The following NPC1 variants were observed in gnomAD, a reference collection of about 807,000 sequenced individuals.
NPC1 encodes the protein NPC intracellular cholesterol transporter 1.
NPC1 carries 85 observed loss-of-function variants against 140.4 expected under a neutral mutation model. The ratio of observed to expected loss-of-function variants is 0.61; its 90% confidence interval spans 0.51 to 0.72. The LOEUF (loss-of-function observed/expected upper bound fraction) is 0.72, where lower values mean the gene tolerates loss of function less well. Ranked by LOEUF, NPC1 falls within the 30% of genes least tolerant of loss-of-function variation. The pLI is 0.00. For synonymous variants in NPC1, 656 were observed against 624.8 expected, an observed-to-expected ratio of 1.05 and a Z score of -0.74; for missense variants, 1,504 against 1,623.8, an observed-to-expected ratio of 0.93 and a Z score of 1.27.
Position 23,544,344 on chromosome 18 carries a change from CTGG to C in NPC1, c.2127_2129del (p.Tyr709_Gln710delinsTer). 1 of 1,613,966 alleles carries C rather than the reference CTGG, an allele frequency of 6.2e-7. No individual in the cohort carries two copies. The highest frequency in any genetic ancestry group is 8.5e-7 in the Non-Finnish European group (1 of 1,179,940). ...GCCCTGTGAGAATATGGAAGTATAC[CTGG>C]TAGGCCTGCACCAGAATGAAGATGT... On this transcript the variant is annotated stop_gained and inframe_deletion and splice_region_variant, in exon 13 of 25. Coordinates refer to ENST00000269228, the MANE Select transcript of NPC1 (RefSeq NM_000271.5). LOFTEE classifies it high-confidence loss of function.
At chr18:23,534,824 C>T (rs992915635) in intron 22 of NPC1, among the ~76,000 whole-genome samples, 3 of 152,212 alleles carry the variant, frequency 2.0e-5, no homozygotes, top group Non-Finnish European at 4.4e-5. Context: ...CCGTTAAGGT[C>T]ACCCCACCCG....
downstream of NPC1, chr18:23,520,436 CTGA>C (rs937704587): frequency 3.7e-6 from 3 of 818,728 alleles, no homozygotes; most frequent in African/African-American, 5.2e-5. Context: ...CCAGATCTGT[CTGA>C]TTTTGCCAGG....
intron 3 of NPC1, among the ~76,000 whole-genome samples, chr18:23,514,869 G>A (rs1303284459): frequency 6.6e-6 from 1 of 152,184 alleles, no homozygotes; most frequent in African/African-American, 2.4e-5. Flanking sequence ...TTGCGCAGCA[G>A]TTCTTCAGTG....
At chr18:23,508,007 A>T (rs1417241963) in intron 3 of NPC1, 1 of 1,611,220 alleles carries the variant, frequency 6.2e-7, no homozygotes, top group East Asian at 2.2e-5. Flanking sequence ...TTTATCCCTG[A>T]TAATTCCCAG....
At chr18:23,513,916 A>C (rs553424854) in intron 3 of NPC1, among the ~76,000 whole-genome samples, 1 of 152,188 alleles carries the variant, frequency 6.6e-6, no homozygotes, top group African/African-American at 2.4e-5. Flanking sequence ...ATATATTCTG[A>C]TATTAACACC....
At chr18:23,576,501 G>A in intron 1 of NPC1, 1 of 990,950 alleles carries the variant, frequency 1.0e-6, no homozygotes, top group Non-Finnish European at 1.2e-6. Context: ...CGGTGTCCTA[G>A]GCTTAGGCAC....
rs1433192558 is a variant in NPC1, at chr18:23,534,153, T to C, written c.3591+293A>G. 7 of 528,170 alleles carry C rather than the reference T, an allele frequency of 1.3e-5. No individual in the cohort carries two copies. The Admixed American group carries it at 1.9e-4, about 14-fold the overall frequency. 32.7% of individuals were successfully genotyped at this position (528,170 alleles called of 1,614,324 possible). ...CAACCGCACATCACACGCTGGGTTC[T>C]GGCCCGGGCTCCCCTGCATTTTAAA... On this transcript the variant is annotated intron_variant, in intron 23 of 24. Transcript: ENST00000269228.
At chr18:23,515,535 T>G (rs921569859) in intron 3 of NPC1, among the ~76,000 whole-genome samples, 17 of 152,216 alleles carry the variant, frequency 1.1e-4, no homozygotes, top group African/African-American at 3.9e-4. Flanking sequence ...GTTATTGATT[T>G]ATTTATTAAT....
At chr18:23,562,011 C>T (rs745784996) in intron 4 of NPC1, among the ~76,000 whole-genome samples, 6 of 152,146 alleles carry the variant, frequency 3.9e-5, no homozygotes, top group Non-Finnish European at 7.3e-5. Flanking sequence ...TACTGTTGGC[C>T]GGGCACGGTG....
chr18:23,565,400 A>G (rs1366205533), intron 4 of NPC1, among the ~76,000 whole-genome samples: 2 of 152,184 alleles, frequency 1.3e-5, no homozygotes, highest in African/African-American at 2.4e-5. Context: ...TCTGTCAGCC[A>G]GGCTGGAGTG....
intron 4 of NPC1, among the ~76,000 whole-genome samples, chr18:23,562,996 A>T (rs2059066260): frequency 6.6e-6 from 1 of 152,146 alleles, no homozygotes; most frequent in African/African-American, 2.4e-5. Context: ...CATTTTCATC[A>T]CCTCAAAAGA....
At chr18:23,549,742 CTTTTT>C (rs1000073339) in intron 10 of NPC1, among the ~76,000 whole-genome samples, 3 of 138,008 alleles carry the variant, frequency 2.2e-5, no homozygotes, top group African/African-American at 8.2e-5. Context: ...TTTTTCACAA[CTTTTT>C]TTTTTTTTTT....
chr18:23,574,364 G>A (rs1293275462), intron 1 of NPC1, among the ~76,000 whole-genome samples: 1 of 152,128 alleles, frequency 6.6e-6, no homozygotes, highest in African/African-American at 2.4e-5. Flanking sequence ...AGGGCCCCGG[G>A]CCTGCAATCG....
downstream of NPC1, among the ~76,000 whole-genome samples, chr18:23,525,992 C>A (rs865839872): frequency 6.6e-6 from 1 of 152,208 alleles, no homozygotes; most frequent in Non-Finnish European, 1.5e-5. Context: ...AGTCATTTCT[C>A]TCCTGTGCAT....
chr18:23,521,889 G>C (rs2058151664), downstream of NPC1, among the ~76,000 whole-genome samples: 1 of 152,160 alleles, frequency 6.6e-6, no homozygotes, highest in African/African-American at 2.4e-5. Context: ...GTCTCTCCCG[G>C]CTCTCTTTTG....
chr18:23,544,594 GTCC>G (rs767074907), intron 12 of NPC1, 68 bp from the exon 13 acceptor site: 196 of 1,439,214 alleles, frequency 1.4e-4, no homozygotes, highest in Non-Finnish European at 1.2e-4. Flanking sequence ...TTACTAAAAG[GTCC>G]TCCTTTTTAC....
chr18:23,523,543 C>CAAAAAAAAAAAAAAAA (rs374224848), intron 1 of NPC1, among the ~76,000 whole-genome samples: 4 of 76,384 alleles, frequency 5.2e-5, no homozygotes, highest in African/African-American at 1.1e-4. Flanking sequence ...CTTGTCTTCA[C>CAAAAAAAAAAAAAAAA]AAAAAAAAAA....
At chr18:23,568,626 A>C (rs559146329) in intron 4 of NPC1, among the ~76,000 whole-genome samples, 197 bp downstream of exon 4, 30 of 152,342 alleles carry the variant, frequency 2.0e-4, no homozygotes, top group African/African-American at 6.7e-4. Flanking sequence ...GGGGGAGTTA[A>C]AGCAAGCGCT....
Position 23,576,168 on chromosome 18 carries a change from G to A in NPC1, c.58-2594C>T, listed in dbSNP as rs150786667. On this transcript the variant is annotated intron_variant, in intron 1 of 24. Coordinates refer to ENST00000269228, the MANE Select transcript of NPC1 (RefSeq NM_000271.5). ...GAACCCGAGAGGCGGAGGTTGTGGT[G>A]AGCCAAGATTGTGCCATTACACTCC... Among the ~76,000 whole-genome samples, 720 of 152,184 alleles carry A rather than the reference G, an allele frequency of 4.7e-3. 5 individuals carry two copies. Among genetic ancestry groups the A allele is most frequent in the African/African-American group, 0.016 (669 of 41,500 alleles).
Sources: allele counts gnomAD v4.1 joint callset (sites outside exome capture counted in the v4.1 genomes callset), GRCh38; gene constraint gnomAD v4.1.1; transcripts MANE v1.5; gene names NCBI Gene and HGNC (gene_info 2026-07-23, HGNC 2026-07-21).